The following REDIC1 variants were observed in gnomAD, a reference collection of about 807,000 sequenced individuals.
The protein encoded by REDIC1 is HEI10 Interacting Protein 1.
chr12:39,787,591 C>T, the REDIC1 span, among the ~76,000 whole-genome samples: 1 of 151,788 alleles, frequency 6.6e-6, no homozygotes, highest in Non-Finnish European at 1.5e-5. Context: ...CTCTTCAGTC[C>T]CTATTGAAAC....
At chr12:39,745,055 G>A in the REDIC1 span, among the ~76,000 whole-genome samples, 3 of 152,190 alleles carry the variant, frequency 2.0e-5, no homozygotes, top group African/African-American at 7.2e-5. Context: ...TTCAGACAGA[G>A]TAGACTTCAG....
chr12:39,785,152 T>C, the REDIC1 span, among the ~76,000 whole-genome samples: 2 of 152,048 alleles, frequency 1.3e-5, no homozygotes, highest in Non-Finnish European at 2.9e-5. Flanking sequence ...TCCAGGCCAC[T>C]TCAGAGACCT....
chr12:39,807,927 T>C, the REDIC1 span, among the ~76,000 whole-genome samples: 1 of 150,994 alleles, frequency 6.6e-6, no homozygotes, highest in African/African-American at 2.5e-5. Flanking sequence ...GAAGATATAA[T>C]TTTGTATGCT....
chr12:39,716,422 C>T, the REDIC1 span, among the ~76,000 whole-genome samples: 1 of 151,908 alleles, frequency 6.6e-6, no homozygotes, highest in Non-Finnish European at 1.5e-5. Context: ...TCTCTTCCTT[C>T]CCTCAGGTTA....
the REDIC1 span, among the ~76,000 whole-genome samples, chr12:39,636,131 A>G: frequency 6.6e-6 from 1 of 152,216 alleles, no homozygotes; most frequent in East Asian, 1.9e-4. Context: ...ATTCTGAAAT[A>G]TCTTCCACTG....
the REDIC1 span, among the ~76,000 whole-genome samples, chr12:39,697,359 C>T: frequency 6.6e-6 from 1 of 152,134 alleles, no homozygotes; most frequent in Non-Finnish European, 1.5e-5. Flanking sequence ...CAAGAAAATA[C>T]TAAAAGGAGT....
At chr12:39,670,388 G>C in the REDIC1 span, among the ~76,000 whole-genome samples, 3 of 151,992 alleles carry the variant, frequency 2.0e-5, no homozygotes, top group Admixed American at 2.0e-4. Flanking sequence ...ATGGATTTTT[G>C]CCATGTTGGC....
At chr12:39,674,445 A>G in the REDIC1 span, among the ~76,000 whole-genome samples, 1 of 152,238 alleles carries the variant, frequency 6.6e-6, no homozygotes, top group Non-Finnish European at 1.5e-5. Context: ...AGAGACTCAC[A>G]TCATGAACTT....
At chr12:39,692,545 T>C in the REDIC1 span, among the ~76,000 whole-genome samples, 1 of 152,140 alleles carries the variant, frequency 6.6e-6, no homozygotes, top group East Asian at 1.9e-4. Context: ...TGCTTTTTTT[T>C]TTCACCCAAT....
chr12:39,721,183 C>G, the REDIC1 span: 1 of 1,613,540 alleles, frequency 6.2e-7, no homozygotes, highest in Non-Finnish European at 8.5e-7. Context: ...TCTTTGCAAC[C>G]TTGAAAGGTG....
At chr12:39,756,832 T>C in the REDIC1 span, 1 of 151,718 alleles carries the variant, frequency 6.6e-6, no homozygotes, top group Non-Finnish European at 1.5e-5. Context: ...ATTTAGACTC[T>C]TATGTACTAA....
At chr12:39,803,218 A>C in the REDIC1 span, among the ~76,000 whole-genome samples, 439 of 152,022 alleles carry the variant, frequency 2.9e-3, 1 homozygote, top group African/African-American at 0.01. Context: ...AAAAAAAAAA[A>C]AAAACTTTCT....
the REDIC1 span, among the ~76,000 whole-genome samples, chr12:39,799,563 A>G: frequency 2.6e-5 from 4 of 152,174 alleles, no homozygotes; most frequent in Non-Finnish European, 5.9e-5. Context: ...AAACAAGAAG[A>G]TAGCCCAAAA....
At chr12:39,642,698 A>G in the REDIC1 span, among the ~76,000 whole-genome samples, 1 of 151,706 alleles carries the variant, frequency 6.6e-6, no homozygotes, top group Non-Finnish European at 1.5e-5. Flanking sequence ...CTGTTATTTC[A>G]TTGCTTAACC....
At chr12:39,650,221 T>A in the REDIC1 span, 25 of 1,549,132 alleles carry the variant, frequency 1.6e-5, no homozygotes, top group Non-Finnish European at 2.1e-5. The surrounding 1 kb of genome is among the most constrained non-coding windows in gnomAD (Gnocchi z 4.3). Flanking sequence ...GGCAGTTTCT[T>A]CAAATTTTTT....
At chr12:39,854,613 A>C in the REDIC1 span, among the ~76,000 whole-genome samples, 7 of 152,198 alleles carry the variant, frequency 4.6e-5, no homozygotes, top group African/African-American at 1.7e-4. Flanking sequence ...TTCTCCCTCC[A>C]ATCTATATCC....
At chr12:39,700,753 C>T in the REDIC1 span, among the ~76,000 whole-genome samples, 1 of 151,760 alleles carries the variant, frequency 6.6e-6, no homozygotes, top group South Asian at 2.1e-4. Flanking sequence ...AGAAACTCTA[C>T]AAGCCAGAAG....
At chr12:39,838,472 C>A in the REDIC1 span, among the ~76,000 whole-genome samples, 2 of 144,720 alleles carry the variant, frequency 1.4e-5, no homozygotes, top group South Asian at 2.2e-4. Context: ...GCACATGTAC[C>A]CTAAAACTTA....
At chr12:39,745,414 G>C in the REDIC1 span, among the ~76,000 whole-genome samples, 1 of 150,024 alleles carries the variant, frequency 6.7e-6, no homozygotes, top group African/African-American at 2.5e-5. Context: ...GATTTATAAA[G>C]CTGAGCTACT....
Sources: allele counts gnomAD v4.1 joint callset (sites outside exome capture counted in the v4.1 genomes callset), GRCh38; gene constraint gnomAD v4.1.1; non-coding constraint Gnocchi (gnomAD v3.1); transcripts MANE v1.5; gene names NCBI Gene and HGNC (gene_info 2026-07-23, HGNC 2026-07-21).